The following KLHL29 variants were observed in gnomAD, a reference collection of about 807,000 sequenced individuals.
The protein encoded by KLHL29 is kelch like family member 29.
In KLHL29, 21 loss-of-function variants were observed where a neutral mutation model predicts 80.4. The ratio of observed to expected loss-of-function variants is 0.26; its 90% confidence interval spans 0.19 to 0.38. The LOEUF is 0.38. Ranked by LOEUF, KLHL29 falls within the 10% of genes least tolerant of loss-of-function variation. The probability of loss-of-function intolerance (pLI) is 1.00; values close to 1 mark genes in which losing one functional copy is unlikely to be tolerated. For synonymous variants in KLHL29, 511 were observed against 526.8 expected, an observed-to-expected ratio of 0.97 and a Z score of 0.41; for missense variants, 867 against 1,223.9, an observed-to-expected ratio of 0.71 and a Z score of 4.35.
rs183168328 is a variant in KLHL29 at position 23,406,244 on chromosome 2, C to T, written c.-154+20464C>T. 1.1e-3 allele frequency among the ~76,000 whole-genome samples: 162 copies of T among 147,746 alleles called. 1 individual carries two copies. Among genetic ancestry groups the T allele is most frequent in the African/African-American group, 4.0e-3 (158 of 39,920 alleles). ...TCGGGAGGCTGAGGCAGGAGAATCA[C>T]TTGAACCCAGGAGGCAGAGGTTGCA... On this transcript the variant is annotated intron_variant, in intron 1 of 13. Transcript: ENST00000486442.
Position 23,503,306 on chromosome 2 carries a change from C to T in KLHL29, c.-46+27639C>T, listed in dbSNP as rs903577039. Among the ~76,000 whole-genome samples the T allele has an allele frequency of 1.8e-4, 28 of 152,136 alleles. No individual in the cohort carries two copies. Among genetic ancestry groups the T allele is most frequent in the Admixed American group, 7.9e-4 (12 of 15,282 alleles). ...ACAAATCATTCCCTTGCCTGTGTCT[C>T]GGTTGCCCCATCTGAGCGAGAGGCT... On this transcript the variant is annotated intron_variant, in intron 2 of 13. Coordinates refer to ENST00000486442, the MANE Select transcript of KLHL29 (RefSeq NM_052920.2). The surrounding 1 kb of genome is among the most constrained non-coding windows in gnomAD (Gnocchi z 4.0).
At chr2:23,643,085 A>G (rs1298134735) in intron 5 of KLHL29, 3 of 670,456 alleles carry the variant, frequency 4.5e-6, no homozygotes, top group Non-Finnish European at 8.2e-6. Context: ...CGGGGTAAGA[A>G]GAGGAAGGAA....
At chr2:23,406,335 AAAAAAAAAG>A (rs1196063802) in intron 1 of KLHL29, among the ~76,000 whole-genome samples, 4 of 142,610 alleles carry the variant, frequency 2.8e-5, no homozygotes, top group Non-Finnish European at 3.1e-5. Context: ...CTCAAAAAAA[AAAAAAAAAG>A]AAAAGAAAAC....
chr2:23,642,274 A>C, intron 4 of KLHL29, 64 bp from the exon 5 acceptor site: 1 of 1,355,258 alleles, frequency 7.4e-7, no homozygotes, highest in African/African-American at 1.5e-5. Context: ...AGGGCCGGGG[A>C]TGGTCAGTGT....
intron 2 of KLHL29, among the ~76,000 whole-genome samples, chr2:23,493,485 C>T (rs1324343292): frequency 6.6e-6 from 1 of 152,056 alleles, no homozygotes; most frequent in East Asian, 1.9e-4. Flanking sequence ...GTACATTGTA[C>T]GATCTTGTTT....
rs1672722163 is a variant in KLHL29, at chr2:23,706,340, GGGCAAAGAAGGGCAGCA to G, written c.2445-140_2445-124del. ...TTTTCTTATGCCAGCCCAGGTTAGA[GGGCAAAGAAGGGCAGCA>G]AGATCCCAGATGCCTTCTGCAAAAG... On this transcript the variant is annotated intron_variant, in intron 13 of 13. Transcript: ENST00000486442. The G allele has an allele frequency of 1.0e-5, 6 of 590,038 alleles. No homozygotes were observed. In the African/African-American group the frequency reaches 1.2e-4, roughly 12 times the overall value. The allele number at this position is 590,038 out of a possible 1,614,324, so 36.6% of individuals were successfully genotyped here. A position where few individuals can be genotyped will look rare whatever the true frequency, so the allele number is the denominator to read the frequency against.
At chr2:23,505,751 AC>A (rs1402954977) in intron 2 of KLHL29, among the ~76,000 whole-genome samples, 1 of 152,022 alleles carries the variant, frequency 6.6e-6, no homozygotes, top group East Asian at 1.9e-4. Context: ...CTCAAAAGGC[AC>A]CCCCATACCA....
In KLHL29 at chr2:23,680,176, G is replaced by A. The variant is rs1671035473; in HGVS notation, c.941-4223G>A. Reference sequence around the variant, plus strand: ...GAAAGATGAGGGCAGCTCACTCAGGGTGCTGGAGGGCCTAGGGCAGGAGAG... The same window carrying A: ...GAAAGATGAGGGCAGCTCACTCAGGATGCTGGAGGGCCTAGGGCAGGAGAG... On this transcript the variant is annotated intron_variant, in intron 5 of 13. Transcript: ENST00000486442. This position sits in a 1 kb window ranked among gnomAD's most constrained non-coding sequence, Gnocchi z 4.1. 6.6e-6 allele frequency among the ~76,000 whole-genome samples: 1 copy of A among 152,206 alleles called. No homozygotes were observed. The highest frequency in any genetic ancestry group is 1.5e-5 in the Non-Finnish European group (1 of 68,032).
intron 5 of KLHL29, among the ~76,000 whole-genome samples, chr2:23,651,804 C>G (rs1389958302): frequency 6.6e-6 from 1 of 152,212 alleles, no homozygotes; most frequent in Non-Finnish European, 1.5e-5. Context: ...GGCTTGCAAA[C>G]AGCCGCCTTC....
At chr2:23,555,602 G>A (rs1403368561) in intron 2 of KLHL29, among the ~76,000 whole-genome samples, 10 of 152,216 alleles carry the variant, frequency 6.6e-5, no homozygotes, top group South Asian at 6.2e-4. Flanking sequence ...GGGGAGGTTC[G>A]TCTGTGGAGG....
At chr2:23,516,118 G>A (rs953665937) in intron 2 of KLHL29, among the ~76,000 whole-genome samples, 2 of 152,192 alleles carry the variant, frequency 1.3e-5, no homozygotes, top group Non-Finnish European at 2.9e-5. Flanking sequence ...TCCAGGACTT[G>A]AGTTTCAGTG....
rs1322358809 is a variant in KLHL29, at chr2:23,545,025, G to A, written c.-45-17127G>A. Among the ~76,000 whole-genome samples, 7 of 152,164 alleles carry A rather than the reference G, an allele frequency of 4.6e-5. No homozygotes were observed. The East Asian group carries it at 1.3e-3, about 29-fold the overall frequency. ...CTGGGTGGAGAATACTCTGAATGAG[G>A]GTGAGGAAGGAAGGAAGGAGACGTG... On this transcript the variant is annotated intron_variant, in intron 2 of 13. Transcript: ENST00000486442.
intron 1 of KLHL29, among the ~76,000 whole-genome samples, chr2:23,403,722 AGAGAGTGTGTGT>A (rs1666649950): frequency 7.1e-6 from 1 of 141,004 alleles, no homozygotes; most frequent in African/African-American, 2.8e-5. Context: ...AGAGAGAGAG[AGAGAGTGTGTGT>A]GTGTGTGTGT....
chr2:23,645,050 G>T (rs1006330825), intron 5 of KLHL29, among the ~76,000 whole-genome samples: 1 of 152,158 alleles, frequency 6.6e-6, no homozygotes, highest in Non-Finnish European at 1.5e-5. Context: ...CCTTATATTT[G>T]CAGGGAAGAA....
At chr2:23,656,902 G>C (rs1321767347) in intron 5 of KLHL29, among the ~76,000 whole-genome samples, 2 of 135,868 alleles carry the variant, frequency 1.5e-5, no homozygotes, top group African/African-American at 2.8e-5. Context: ...GAACAGTCCT[G>C]TTTCCTTCCC....
intron 1 of KLHL29, among the ~76,000 whole-genome samples, chr2:23,386,841 G>C (rs1240753616): frequency 6.6e-6 from 1 of 152,156 alleles, no homozygotes; most frequent in African/African-American, 2.4e-5. Flanking sequence ...TGCGTTGCCT[G>C]GGGAAGGCGG....
intron 2 of KLHL29, among the ~76,000 whole-genome samples, chr2:23,528,782 CT>C (rs1666404978): frequency 6.6e-6 from 1 of 152,174 alleles, no homozygotes; most frequent in Non-Finnish European, 1.5e-5. Context: ...TAAAGAAATC[CT>C]AGGGGCGCAC....
intron 2 of KLHL29, among the ~76,000 whole-genome samples, chr2:23,524,604 C>A (rs1666237247): frequency 1.3e-5 from 2 of 152,124 alleles, no homozygotes; most frequent in Non-Finnish European, 2.9e-5. Context: ...TGGCCTTCAA[C>A]TCAGAGAGGG....
At chr2:23,531,340 G>T (rs1171143517) in intron 2 of KLHL29, among the ~76,000 whole-genome samples, 1 of 152,194 alleles carries the variant, frequency 6.6e-6, no homozygotes. Context: ...GGACCTATTT[G>T]GGGGGTGAGG....
Sources: allele counts gnomAD v4.1 joint callset (sites outside exome capture counted in the v4.1 genomes callset), GRCh38; gene constraint gnomAD v4.1.1; non-coding constraint Gnocchi (gnomAD v3.1); transcripts MANE v1.5; gene names NCBI Gene and HGNC (gene_info 2026-07-23, HGNC 2026-07-21).